The following DIAPH2 variants were observed in gnomAD, a reference collection of about 807,000 sequenced individuals.
DIAPH2 encodes the protein diaphanous related formin 2, also known as protein diaphanous homolog 2.
In DIAPH2, 35 loss-of-function variants were observed where a neutral mutation model predicts 92.7. The observed-to-expected ratio is 0.38, with a 90% CI of 0.29 to 0.50. The LOEUF is 0.50. DIAPH2 is among the 20% of genes least tolerant of loss of function. The pLI, the probability that DIAPH2 is intolerant of heterozygous loss-of-function variation, is 0.94. For missense variants in DIAPH2, 701 were observed against 819.5 expected, an observed-to-expected ratio of 0.86 and a Z score of 1.77; for synonymous variants, 301 against 280.4, an observed-to-expected ratio of 1.07 and a Z score of -0.73.
At chrX:97,487,564 G>A (rs1370311116) in intron 26 of DIAPH2, among the ~76,000 whole-genome samples, 2 of 111,429 alleles carry the variant, frequency 1.8e-5, no homozygotes, top group Non-Finnish European at 3.8e-5. Flanking sequence ...ATGAGCCACC[G>A]CGCCCGGCCT....
intron 25 of DIAPH2, among the ~76,000 whole-genome samples, chrX:97,422,138 A>G (rs1197539234): frequency 9.0e-6 from 1 of 111,647 alleles, no homozygotes; most frequent in African/African-American, 3.3e-5. Context: ...ACATGGATGT[A>G]TGCATTTTTC....
intron 26 of DIAPH2, among the ~76,000 whole-genome samples, chrX:97,465,022 T>G (rs968518377): frequency 3.0e-4 from 33 of 110,907 alleles, no homozygotes; most frequent in Non-Finnish European, 1.7e-4. Flanking sequence ...TAATTTTGTA[T>G]TTTTAGTAGA....
At chrX:96,769,778 C>A (rs1056491169) in intron 4 of DIAPH2, among the ~76,000 whole-genome samples, 3 of 112,284 alleles carry the variant, frequency 2.7e-5, no homozygotes, top group African/African-American at 9.7e-5. Context: ...GCATGGGAAT[C>A]ATGAGCACTA....
At chrX:96,781,261 G>A (rs1186517279) in intron 4 of DIAPH2, among the ~76,000 whole-genome samples, 2 of 111,531 alleles carry the variant, frequency 1.8e-5, no homozygotes, top group Non-Finnish European at 1.9e-5. Flanking sequence ...ACTATAAATC[G>A]TGGACAAGTG....
intron 4 of DIAPH2, among the ~76,000 whole-genome samples, chrX:96,768,990 G>T (rs185011843): frequency 9.0e-6 from 1 of 111,318 alleles, no homozygotes; most frequent in East Asian, 2.8e-4. Context: ...GGAAGAGAAA[G>T]GTAGCAGTGG....
At chrX:96,951,538 G>T (rs2065775268) in intron 15 of DIAPH2, among the ~76,000 whole-genome samples, 1 of 111,360 alleles carries the variant, frequency 9.0e-6, no homozygotes, top group Admixed American at 9.6e-5. Context: ...GCAGAATCAC[G>T]AAGCATTCTC....
At chrX:96,969,125 T>A (rs1209078150) in intron 17 of DIAPH2, among the ~76,000 whole-genome samples, 1 of 112,468 alleles carries the variant, frequency 8.9e-6, no homozygotes, top group Non-Finnish European at 1.9e-5. Flanking sequence ...TTGGTTACGG[T>A]AGCCTTGTAA....
Position 97,114,955 on chromosome X carries a change from T to A in DIAPH2, c.2579T>A (p.Phe860Tyr). 4.2e-6 allele frequency: 5 copies of A among 1,176,945 alleles called. No homozygotes were observed. The highest frequency in any genetic ancestry group is 5.7e-6 in the Non-Finnish European group (5 of 878,156). The change falls in exon 21 of 27, where the codon TTC (phenylalanine) becomes TAC (tyrosine). Residue 860 changes from phenylalanine (F) to tyrosine (Y), a missense_variant. Transcript: ENST00000324765. ...CAGTCTTTGGGATTTAAGATCAACT[T>A]CCTTTGTAAGGTAAGATGACATTTT... The part of the protein sequence containing the change: ...NAQSLGFKIN[F>Y]LCKIRDTKSA...
intron 5 of DIAPH2, among the ~76,000 whole-genome samples, chrX:96,897,339 C>T (rs994617713): frequency 2.7e-5 from 3 of 110,450 alleles, no homozygotes; most frequent in Non-Finnish European, 3.8e-5. Context: ...TCCCAACATC[C>T]GCCCACTTAC....
At chrX:97,393,391 G>GATCC (rs1468198896) in intron 25 of DIAPH2, among the ~76,000 whole-genome samples, 148 of 112,023 alleles carry the variant, frequency 1.3e-3, no homozygotes, top group African/African-American at 4.4e-3. Flanking sequence ...TAGGCTATTT[G>GATCC]ATCCATCCAA....
At chrX:97,335,436 G>T (rs2069049624) in intron 23 of DIAPH2, among the ~76,000 whole-genome samples, 1 of 111,691 alleles carries the variant, frequency 9.0e-6, no homozygotes, top group Non-Finnish European at 1.9e-5. Flanking sequence ...AGGGCTTGGG[G>T]TAGGACCTTA....
chrX:97,475,791 T>C (rs1462792301), intron 26 of DIAPH2, among the ~76,000 whole-genome samples: 1 of 112,256 alleles, frequency 8.9e-6, no homozygotes, highest in East Asian at 2.8e-4. Flanking sequence ...GTTCTAATTA[T>C]CATGCTAGCT....
intron 4 of DIAPH2, among the ~76,000 whole-genome samples, chrX:96,811,915 G>T (rs1161526182): frequency 1.8e-5 from 2 of 111,578 alleles, no homozygotes; most frequent in Non-Finnish European, 3.8e-5. Context: ...AGCTGGATTC[G>T]GTTTGCCAGT....
chrX:97,467,673 C>T (rs763484335), intron 26 of DIAPH2, among the ~76,000 whole-genome samples: 7 of 112,055 alleles, frequency 6.2e-5, no homozygotes, highest in African/African-American at 2.3e-4. Context: ...TCACACTCTA[C>T]AGGGGAATAA....
intron 24 of DIAPH2, among the ~76,000 whole-genome samples, chrX:97,376,504 G>A (rs767559360): frequency 1.8e-4 from 20 of 112,116 alleles, no homozygotes; most frequent in Middle Eastern, 4.7e-3. Flanking sequence ...ACATGGTCCT[G>A]GATTGGAGGA....
chrX:96,824,730 T>C (rs2064801928), intron 4 of DIAPH2, among the ~76,000 whole-genome samples: 1 of 111,340 alleles, frequency 9.0e-6, no homozygotes, highest in African/African-American at 3.3e-5. Context: ...CATATGATTT[T>C]ATCCCCTAAT....
At chrX:97,331,757 G>C (rs1040120467) in intron 23 of DIAPH2, among the ~76,000 whole-genome samples, 14 of 111,532 alleles carry the variant, frequency 1.3e-4, no homozygotes, top group African/African-American at 4.5e-4. Context: ...TCAGGGTTAA[G>C]GTTAGGTTTA....
At chrX:97,546,924 AT>A (rs2071185827) in intron 26 of DIAPH2, among the ~76,000 whole-genome samples, 1 of 111,574 alleles carries the variant, frequency 9.0e-6, no homozygotes, top group African/African-American at 3.3e-5. Context: ...ATATGACCTC[AT>A]GTGTGTCACT....
chrX:97,073,285 G>A (rs2066681999), intron 18 of DIAPH2, among the ~76,000 whole-genome samples: 1 of 111,705 alleles, frequency 9.0e-6, no homozygotes, highest in African/African-American at 3.3e-5. Context: ...GGAAAGTAAT[G>A]ATAATAAAAC....
Sources: allele counts gnomAD v4.1 joint callset (sites outside exome capture counted in the v4.1 genomes callset), GRCh38; gene constraint gnomAD v4.1.1; transcripts MANE v1.5; gene names NCBI Gene and HGNC (gene_info 2026-07-23, HGNC 2026-07-21).